The following ZNF311 variants were observed in gnomAD, a reference collection of about 807,000 sequenced individuals.
The protein encoded by ZNF311 is zinc finger protein zfp31.
ZNF311 carries 14 observed loss-of-function variants against 22.7 expected under a neutral mutation model. The ratio of observed to expected loss-of-function variants is 0.62; its 90% CI spans 0.41 to 0.96. ZNF311 has a LOEUF of 0.96. Ranked by LOEUF, ZNF311 falls within the 40% of genes least tolerant of loss-of-function variation. The probability of loss-of-function intolerance (pLI) is 0.00; values close to 1 mark genes in which losing one functional copy is unlikely to be tolerated. For missense variants in ZNF311, 731 were observed against 799.0 expected, an observed-to-expected ratio of 0.91 and a Z score of 1.03; for synonymous variants, 250 against 275.3, an observed-to-expected ratio of 0.91 and a Z score of 0.91.
chr6:29,001,731 G>A (rs1011649488), intron 3 of ZNF311, among the ~76,000 whole-genome samples: 4 of 151,994 alleles, frequency 2.6e-5, no homozygotes, highest in African/African-American at 7.3e-5. Flanking sequence ...CACAATTTAC[G>A]TTCTGCAATA....
chr6:28,996,076 C>G lies in ZNF311; in HGVS notation c.926G>C (p.Gly309Ala), dbSNP rs1367790366. 6.2e-7 allele frequency: 1 copy of G among 1,613,168 alleles called. No individual in the cohort carries two copies. Among genetic ancestry groups the G allele is most frequent in the African/African-American group, 1.3e-5 (1 of 74,878 alleles). ...AGCTGATCTACTGTTGAAAGCCTTC[C>G]CACACTGGGTGCAATTAAAAGGTTT... ...GEKPFNCTQCGKAFNSRSALC... is the reference protein window; with the variant it reads ...GEKPFNCTQCAKAFNSRSALC... Residue 309 changes from glycine to alanine, a missense_variant, in exon 7 of 7, where the codon GGG becomes GCG. Transcript: ENST00000377179.
At chr6:29,002,353 T>G (rs1000975135) in intron 3 of ZNF311, among the ~76,000 whole-genome samples, 5 of 152,300 alleles carry the variant, frequency 3.3e-5, no homozygotes, top group Admixed American at 1.3e-4. Context: ...ATTTTTTATT[T>G]CTAAATCTAT....
chr6:29,001,080 A>C (rs1395356371), intron 3 of ZNF311, among the ~76,000 whole-genome samples: 1 of 152,134 alleles, frequency 6.6e-6, no homozygotes, highest in Non-Finnish European at 1.5e-5. Flanking sequence ...CCAGCTGAGA[A>C]GTAGTTCATA....
Position 28,995,872 on chromosome 6 carries a change from T to A in ZNF311, c.1130A>T (p.His377Leu). 1 of 1,614,104 alleles carries A rather than the reference T, an allele frequency of 6.2e-7. No homozygotes were observed. The highest frequency in any genetic ancestry group is 1.7e-5 in the Admixed American group (1 of 60,030). The change falls in exon 7 of 7, where the codon CAT (histidine) becomes CTT (leucine). Residue 377 changes from histidine (H) to leucine (L), a missense_variant. Physicochemically the swap from His to Leu is moderately conservative, Grantham distance 99 (BLOSUM62 -3). Transcript: ENST00000377179. This position sits in a 1 kb window ranked among gnomAD's most constrained non-coding sequence, Gnocchi z 4.7. ...AFQFKHSLTI[H>L]GRIHTGEKPY... ...CTTCTCCCCAGTGTGGATTCTGCCA[T>A]GGATGGTAAGGGAATGCTTAAACTG...
At chr6:29,002,639 T>TA (rs1554214425) in intron 3 of ZNF311, among the ~76,000 whole-genome samples, 2 of 151,048 alleles carry the variant, frequency 1.3e-5, no homozygotes, top group African/African-American at 4.9e-5. Flanking sequence ...TTTTTTTTTT[T>TA]AGACAGAGTC....
In ZNF311 at chr6:28,995,791, T is replaced by C. The variant is rs773058262; in HGVS notation, c.1211A>G (p.Lys404Arg). The stretch of plus-strand genomic sequence containing the variant: ...TTCCCCAGTGTGGATTCTTATGTGT[T>C]TGGTGAGGTCTGAACTCCCACTGAA... Reference protein sequence around the residue: ...KAFSGSSDLTKHIRIHTGERP... With the variant: ...KAFSGSSDLTRHIRIHTGERP... Residue 404 changes from lysine (K) to arginine (R), a missense_variant, in exon 7 of 7, where the codon AAA becomes AGA. Transcript: ENST00000377179. The surrounding 1 kb of genome is among the most constrained non-coding windows in gnomAD (Gnocchi z 4.7). The C allele has an allele frequency of 1.2e-5, 19 of 1,613,724 alleles. No individual in the cohort carries two copies. The highest frequency in any genetic ancestry group is 1.5e-5 in the Non-Finnish European group (18 of 1,179,986).
rs1223381933 is a variant in ZNF311 at position 28,996,091 on chromosome 6, T to C, written c.911A>G (p.Asn304Ser). ...RIIHTGEKPF[N>S]CTQCGKAFNS... ...GAAAGCCTTCCCACACTGGGTGCAA[T>C]TAAAAGGTTTCTCCCCTGTGTGGAT... Residue 304 changes from asparagine (N) to serine (S), a missense_variant, in exon 7 of 7, where the codon AAT becomes AGT. Asn to Ser is a conservative substitution (Grantham distance 46). Transcript: ENST00000377179. 1 of 1,613,306 alleles carries C rather than the reference T, an allele frequency of 6.2e-7. No individual in the cohort carries two copies. The highest frequency in any genetic ancestry group is 8.5e-7 in the Non-Finnish European group (1 of 1,180,036).
chr6:29,003,179 A>C (rs1449907457), intron 3 of ZNF311, among the ~76,000 whole-genome samples: 1 of 152,218 alleles, frequency 6.6e-6, no homozygotes, highest in Non-Finnish European at 1.5e-5. Flanking sequence ...AAGTTTTATA[A>C]GTGTAAAATA....
At chr6:29,003,010 T>G (rs553458365) in intron 3 of ZNF311, among the ~76,000 whole-genome samples, 64 of 152,296 alleles carry the variant, frequency 4.2e-4, no homozygotes, top group Middle Eastern at 6.8e-3. Flanking sequence ...AACTTTTGCT[T>G]CTTCTTTTGT....
chr6:29,004,090 G>A lies in ZNF311; in HGVS notation c.-136C>T, dbSNP rs1257046823. 1.1e-5 allele frequency: 18 copies of A among 1,593,436 alleles called. No homozygotes were observed. Among genetic ancestry groups the A allele is most frequent in the Non-Finnish European group, 1.5e-5 (17 of 1,170,610 alleles). Reference sequence around the variant, plus strand: ...CCTTTGGAGAACACATGTTTTGGTGGTGCCAGCCAAAGGGCCCTTCTTGAC... The same window carrying A: ...CCTTTGGAGAACACATGTTTTGGTGATGCCAGCCAAAGGGCCCTTCTTGAC... On this transcript the variant is annotated 5_prime_UTR_variant, in exon 2 of 7. Transcript: ENST00000377179.
intron 6 of ZNF311, 97 bp from the exon 7 acceptor site, chr6:28,996,683 A>G (rs962463850): frequency 3.6e-6 from 5 of 1,380,438 alleles, no homozygotes; most frequent in Non-Finnish European, 3.9e-6. Flanking sequence ...TAACTTTTCC[A>G]TGCTGGAAAA....
At position 28,995,605 on chromosome 6, in the gene ZNF311, G is replaced by T. The variant is rs756669651; in HGVS notation, c.1397C>A (p.Thr466Asn). 1 of 1,613,626 alleles carries T rather than the reference G, an allele frequency of 6.2e-7. No individual in the cohort carries two copies. The highest frequency in any genetic ancestry group is 8.5e-7 in the Non-Finnish European group (1 of 1,180,032). ...CTCACACCTGTAACGTTTCTCTTCAGTGTGGATCCTTCTGTGTTTGGTGAG... is the reference window on the plus strand; with the variant it reads ...CTCACACCTGTAACGTTTCTCTTCATTGTGGATCCTTCTGTGTTTGGTGAG... ...AELTKHRRIH[T>N]EEKRYRCEEC... Residue 466 changes from threonine (T) to asparagine (N), a missense_variant, in exon 7 of 7, where the codon ACT becomes AAT. By Grantham distance (65) the Thr-to-Asn change is moderately conservative. Transcript: ENST00000377179. The surrounding 1 kb of genome is among the most constrained non-coding windows in gnomAD (Gnocchi z 4.7).
chr6:29,004,286 C>A, intron 1 of ZNF311, 72 bp from the exon 2 acceptor site: 1 of 1,153,236 alleles, frequency 8.7e-7, no homozygotes, highest in South Asian at 1.9e-5. Context: ...GAACCTGAGG[C>A]ACGAAGTCAA....
Position 28,998,751 on chromosome 6 carries a change from A to T in ZNF311, c.398T>A (p.Leu133Gln). The stretch of plus-strand genomic sequence containing the variant: ...TTACTCACCTGGGTAGGAGCAGCTT[A>T]GGGACTCCCTGTCCTGTGGATCCTG... Reference protein sequence around the residue: ...CVQDPQDRESLSCSYPVSADK... With the variant: ...CVQDPQDRESQSCSYPVSADK... The change falls in exon 6 of 7, where the codon CTA becomes CAA. Residue 133 changes from leucine to glutamine, a missense_variant. By Grantham distance (113) the Leu-to-Gln change is moderately radical. Transcript: ENST00000377179. 6.2e-7 allele frequency: 1 copy of T among 1,612,260 alleles called. No individual in the cohort carries two copies. The highest frequency in any genetic ancestry group is 8.5e-7 in the Non-Finnish European group (1 of 1,179,578).
rs1394819877 is a variant in ZNF311, at chr6:28,995,241, C to T, written c.1761G>A (p.Glu587=). The T allele has an allele frequency of 6.2e-7, 1 of 1,613,972 alleles. No individual in the cohort carries two copies. The change falls in exon 7 of 7, where the codon GAG becomes GAA. Residue 587 remains glutamate, a synonymous_variant. Transcript: ENST00000377179. The surrounding 1 kb of genome is among the most constrained non-coding windows in gnomAD (Gnocchi z 4.7). ...HTGEKPYTCS[E]CGTSFRQGSA... is the part of the protein sequence containing the mutation. ...AGCCCTGACGGAAGGACGTGCCACACTCACTGCAGGTGTATGGCTTCTCAC... is the reference window on the plus strand; with the variant it reads ...AGCCCTGACGGAAGGACGTGCCACATTCACTGCAGGTGTATGGCTTCTCAC...
chr6:29,004,223 T>C lies in ZNF311; in HGVS notation c.-260-9A>G, dbSNP rs1003925331. ...TCTCACATCTTGTTTCCCTGCATATTTGGTGAAGGGAAAAGAGGAATGTGA... is the reference window on the plus strand; with the variant it reads ...TCTCACATCTTGTTTCCCTGCATATCTGGTGAAGGGAAAAGAGGAATGTGA... On this transcript the variant is annotated splice_polypyrimidine_tract_variant and intron_variant, in intron 1 of 6. Transcript: ENST00000377179. 1.7e-5 allele frequency: 23 copies of C among 1,391,458 alleles called. No individual in the cohort carries two copies. In the African/African-American group the frequency reaches 3.2e-4, roughly 19 times the overall value. 86.2% of individuals were successfully genotyped at this position (1,391,458 alleles called of 1,614,324 possible).
intron 3 of ZNF311, 44 bp from the exon 4 acceptor site, chr6:29,000,091 T>C: frequency 6.4e-7 from 1 of 1,552,746 alleles, no homozygotes; most frequent in Non-Finnish European, 8.8e-7. Flanking sequence ...AGCACAGTAT[T>C]AATGAAATCT....
chr6:28,996,293 A>AT lies in ZNF311; in HGVS notation c.708dup (p.Cys237MetfsTer2). On this transcript the variant is annotated frameshift_variant, in exon 7 of 7. Transcript: ENST00000377179. LOFTEE classifies it low-confidence loss of function (END_TRUNC). ...TTCTGTGCTATAAGAACTTTATTAC[A>AT]TTGACTATGTTTTGAGTTTGGATTC... is the stretch of plus-strand genomic sequence containing the variant. 1 of 1,612,976 alleles carries AT rather than the reference A, an allele frequency of 6.2e-7. No individual in the cohort carries two copies. The highest frequency in any genetic ancestry group is 8.5e-7 in the Non-Finnish European group (1 of 1,180,024).
chr6:28,998,724 T>C lies in ZNF311; in HGVS notation c.415+10A>G. On this transcript the variant is annotated intron_variant, in intron 6 of 6. Transcript: ENST00000377179. ...GATCAGAGGGAACTGAAAGTTTCTC[T>C]ATTACTCACCTGGGTAGGAGCAGCT... 4 of 1,592,028 alleles carry C rather than the reference T, an allele frequency of 2.5e-6. No homozygotes were observed. Among genetic ancestry groups the C allele is most frequent in the Non-Finnish European group, 3.4e-6 (4 of 1,164,490 alleles).
Sources: allele counts gnomAD v4.1 joint callset (sites outside exome capture counted in the v4.1 genomes callset), GRCh38; gene constraint gnomAD v4.1.1; non-coding constraint Gnocchi (gnomAD v3.1); transcripts MANE v1.5; gene names NCBI Gene and HGNC (gene_info 2026-07-23, HGNC 2026-07-21).